PPM1L: variants seen among roughly 807,000 people sequenced by gnomAD.
PPM1L encodes the protein protein phosphatase 1L.
PPM1L carries 13 observed loss-of-function variants against 31.4 expected under a neutral mutation model. The observed-to-expected ratio is 0.41, with a 90% CI of 0.27 to 0.66. The LOEUF (loss-of-function observed/expected upper bound fraction) is 0.66, where lower values mean the gene tolerates loss of function less well. Among genes scored for constraint, PPM1L ranks in the 30% least tolerant of loss-of-function variants. The probability of loss-of-function intolerance (pLI) is 0.29; values close to 1 mark genes in which losing one functional copy is unlikely to be tolerated. For missense variants in PPM1L, 326 were observed against 453.7 expected (o/e 0.72, Z 2.56); for synonymous variants, 184 against 175.4 (o/e 1.05, Z -0.39).
At chr3:160,912,658 T>A (rs1473450775) in intron 1 of PPM1L, among the ~76,000 whole-genome samples, 2 of 152,214 alleles carry the variant, frequency 1.3e-5, no homozygotes, top group African/African-American at 4.8e-5. Context: ...AGTTATGGGC[T>A]CAGATTGAAG....
intron 2 of PPM1L, among the ~76,000 whole-genome samples, chr3:161,019,371 T>A (rs546595586): frequency 3.9e-5 from 6 of 152,162 alleles, no homozygotes; most frequent in South Asian, 2.1e-4. Flanking sequence ...TTTAAAAAAT[T>A]TTTTTTTGTA....
chr3:161,007,354 G>A (rs1265472516), intron 2 of PPM1L, among the ~76,000 whole-genome samples: 2 of 152,212 alleles, frequency 1.3e-5, no homozygotes, highest in Non-Finnish European at 2.9e-5. Context: ...CATGAAGGTG[G>A]ATATCCAGGG....
intron 1 of PPM1L, among the ~76,000 whole-genome samples, chr3:160,848,068 G>A (rs1227465377): frequency 6.6e-6 from 1 of 151,944 alleles, no homozygotes; most frequent in Non-Finnish European, 1.5e-5. Flanking sequence ...TCAAAAGCAG[G>A]GTTCATCTTT....
chr3:160,975,500 C>T (rs1338368687), intron 2 of PPM1L, among the ~76,000 whole-genome samples: 3 of 152,182 alleles, frequency 2.0e-5, no homozygotes, highest in African/African-American at 7.2e-5. Flanking sequence ...TCTTCTGACC[C>T]ATGAGCATGG....
intron 2 of PPM1L, among the ~76,000 whole-genome samples, chr3:160,999,048 C>A (rs1185657304): frequency 6.6e-6 from 1 of 152,068 alleles, no homozygotes; most frequent in African/African-American, 2.4e-5. Flanking sequence ...CCGCCTGGCA[C>A]AATAAATGCA....
At chr3:160,758,983 G>T (rs939369363) in intron 1 of PPM1L, among the ~76,000 whole-genome samples, 2 of 152,134 alleles carry the variant, frequency 1.3e-5, no homozygotes, top group Non-Finnish European at 2.9e-5. Flanking sequence ...GCAAAATAAG[G>T]AAAGTGCTAC....
intron 1 of PPM1L, among the ~76,000 whole-genome samples, chr3:160,863,560 A>C (rs1424496745): frequency 1.3e-5 from 2 of 152,150 alleles, no homozygotes; most frequent in African/African-American, 4.8e-5. Context: ...CCTAGGTCTT[A>C]GGTTTGATGT....
intron 1 of PPM1L, among the ~76,000 whole-genome samples, chr3:160,898,406 T>A (rs576889614): frequency 6.6e-6 from 1 of 152,342 alleles, no homozygotes; most frequent in Non-Finnish European, 1.5e-5. Context: ...AGGAATTTAA[T>A]TTATATTAAT....
chr3:160,870,905 G>T (rs2108029328), intron 1 of PPM1L, among the ~76,000 whole-genome samples: 1 of 152,314 alleles, frequency 6.6e-6, no homozygotes, highest in South Asian at 2.1e-4. Context: ...GTGTGGGAAA[G>T]AGTAGTTATT....
chr3:160,849,499 C>T (rs1288375795), intron 1 of PPM1L, among the ~76,000 whole-genome samples: 1 of 151,888 alleles, frequency 6.6e-6, no homozygotes. Flanking sequence ...TGGCTCACTG[C>T]AAGCTCCACC....
In PPM1L at chr3:160,786,512, C is replaced by T. The variant is rs377396190; in HGVS notation, c.399+29805C>T. 5.9e-5 allele frequency among the ~76,000 whole-genome samples: 9 copies of T among 151,614 alleles called. No individual in the cohort carries two copies. The East Asian group carries it at 1.6e-3, about 26-fold the overall frequency. ...GGATTACAGGTGTGAGCCACTGCGC[C>T]TGGCCTAATTTTGTTTTTTAATTAC... On this transcript the variant is annotated intron_variant, in intron 1 of 3. Transcript: ENST00000498165.
intron 1 of PPM1L, among the ~76,000 whole-genome samples, chr3:160,759,684 C>T (rs897278225): frequency 3.9e-5 from 6 of 152,046 alleles, no homozygotes; most frequent in Non-Finnish European, 7.4e-5. Flanking sequence ...TAGAGTGTTA[C>T]GGTGACACAG....
chr3:161,024,001 G>A (rs774958281), intron 2 of PPM1L, among the ~76,000 whole-genome samples: 2 of 152,174 alleles, frequency 1.3e-5, no homozygotes, highest in African/African-American at 2.4e-5. Context: ...TTGGGGCTGG[G>A]CATGGTGGCT....
chr3:160,967,480 G>A (rs1436348570), intron 2 of PPM1L, among the ~76,000 whole-genome samples: 2 of 151,890 alleles, frequency 1.3e-5, no homozygotes, highest in Non-Finnish European at 2.9e-5. Flanking sequence ...TCTTTTCACT[G>A]TAACCTTACA....
intron 2 of PPM1L, among the ~76,000 whole-genome samples, chr3:161,064,911 A>G (rs763311347): frequency 1.3e-5 from 2 of 151,922 alleles, no homozygotes; most frequent in Non-Finnish European, 2.9e-5. Flanking sequence ...GGCAAGCTCA[A>G]CCTGTCCTGA....
chr3:161,054,960 A>T (rs913185331), intron 2 of PPM1L, among the ~76,000 whole-genome samples: 6 of 152,164 alleles, frequency 3.9e-5, no homozygotes, highest in African/African-American at 1.4e-4. Flanking sequence ...CAGGGGACCT[A>T]TGGACTTGTG....
Position 161,075,706 on chromosome 3 carries a change from G to A in PPM1L, c.*6549G>A, listed in dbSNP as rs1720075580. 6.6e-6 allele frequency: 1 copy of A among 152,158 alleles called. No individual in the cohort carries two copies. Among genetic ancestry groups the A allele is most frequent in the South Asian group, 2.1e-4 (1 of 4,830 alleles). 9.4% of individuals were successfully genotyped at this position (152,158 alleles called of 1,614,324 possible). On this transcript the variant is annotated 3_prime_UTR_variant, in exon 4 of 4. Transcript: ENST00000498165. ...TATAAAAGGAAATATTTTAAATTAA[G>A]AAAAGGAGGTGTTATAGTTTATTAC...
intron 1 of PPM1L, among the ~76,000 whole-genome samples, chr3:160,817,492 T>C (rs550773586): frequency 6.6e-6 from 1 of 152,098 alleles, no homozygotes; most frequent in Admixed American, 6.6e-5. Flanking sequence ...AACATCTGAA[T>C]TTTTACACGG....
chr3:160,841,070 G>T (rs1713865094), intron 1 of PPM1L, among the ~76,000 whole-genome samples: 1 of 152,160 alleles, frequency 6.6e-6, no homozygotes, highest in Non-Finnish European at 1.5e-5. Flanking sequence ...ACCTGGAATT[G>T]TCCCAGTGTG....
Sources: gnomAD v4.1 joint callset for allele counts (sites outside exome capture counted in the v4.1 genomes callset) on GRCh38, gnomAD v4.1.1 for gene constraint, MANE v1.5 for transcripts, NCBI Gene and HGNC (gene_info 2026-07-23, HGNC 2026-07-21) for gene names.